The following COMTD1 variants were observed in gnomAD, a reference collection of about 807,000 sequenced individuals.
The protein encoded by COMTD1 is catechol-O-methyltransferase domain containing 1.
COMTD1 carries 35 observed loss-of-function variants against 33.6 expected under a neutral mutation model. The ratio of observed to expected loss-of-function variants is 1.04; its 90% CI spans 0.80 to 1.38. COMTD1 has a LOEUF of 1.38. COMTD1 is among the 40% of genes most tolerant of loss of function. COMTD1 has a pLI of 0.00. For missense variants in COMTD1, 370 were observed against 363.4 expected, an observed-to-expected ratio of 1.02 and a Z score of -0.15; for synonymous variants, 160 against 176.8, an observed-to-expected ratio of 0.91 and a Z score of 0.75.
In COMTD1 at chr10:75,233,983, G is replaced by T. The variant is rs1353513585; in HGVS notation, c.*90C>A. 6.2e-7 allele frequency: 1 copy of T among 1,604,988 alleles called. No homozygotes were observed. On this transcript the variant is annotated 3_prime_UTR_variant, in exon 7 of 7. Coordinates refer to ENST00000372538, the MANE Select transcript of COMTD1 (RefSeq NM_144589.4). The stretch of plus-strand genomic sequence containing the variant: ...GAGGCTCAGGAGGTCGTGTGTCCCA[G>T]CCCCACTTTATTTTCGAATTTAAAA...
rs780527229 is a variant in COMTD1 at position 75,234,189 on chromosome 10, C to T, written c.673G>A (p.Gly225Arg). ...WRGKVLQPPK[G>R]DVAAECVRNL... ...CGCACACACTCGGCCGCCACGTCCCCTTTCGGAGGTTGCAGCACCTTCCCG... is the reference window on the plus strand; with the variant it reads ...CGCACACACTCGGCCGCCACGTCCCTTTTCGGAGGTTGCAGCACCTTCCCG... The change falls in exon 7 of 7, where the codon GGG becomes AGG. Residue 225 changes from glycine to arginine, a missense_variant. Transcript: ENST00000372538. 22 of 1,613,314 alleles carry T rather than the reference C, an allele frequency of 1.4e-5. No individual in the cohort carries two copies. The highest frequency in any genetic ancestry group is 1.6e-5 in the Non-Finnish European group (19 of 1,180,044).
chr10:75,235,734 C>T lies in COMTD1; in HGVS notation c.104G>A (p.Cys35Tyr). 1.9e-6 allele frequency: 3 copies of T among 1,601,706 alleles called. No homozygotes were observed. The highest frequency in any genetic ancestry group is 1.1e-5 in the South Asian group (1 of 89,256). The change falls in exon 2 of 7, where the codon TGC (cysteine) becomes TAC (tyrosine). Residue 35 changes from cysteine to tyrosine, a missense_variant. Physicochemically the swap from Cys to Tyr is radical, Grantham distance 194 (BLOSUM62 -2). Coordinates refer to ENST00000372538, the MANE Select transcript of COMTD1 (RefSeq NM_144589.4). The stretch of plus-strand genomic sequence containing the variant: ...CTCTCGCCGGCCTCGCCATGGGGGG[C>T]ACCGCCTCCCTGACGGGGAGAGGGT... ...FATGLFLGRRCPPWRGRREQC... is the reference protein window; with the variant it reads ...FATGLFLGRRYPPWRGRREQC...
In COMTD1 at chr10:75,234,742, G is replaced by T; in HGVS notation, c.504C>A (p.Asp168Glu). 2 of 1,585,276 alleles carry T rather than the reference G, an allele frequency of 1.3e-6. No homozygotes were observed. Among genetic ancestry groups the T allele is most frequent in the Non-Finnish European group, 8.6e-7 (1 of 1,167,264 alleles). Residue 168 changes from aspartate to glutamate, a missense_variant and splice_region_variant, in exon 6 of 7, where the codon GAC (aspartate) becomes GAA (glutamate). Coordinates refer to ENST00000372538, the MANE Select transcript of COMTD1 (RefSeq NM_144589.4). ...CGGCCTCGCCCGCCGCCAGCAGCTCGTCTTGCGGGGGGAGGGAGGGCAGGT... is the reference window on the plus strand; with the variant it reads ...CGGCCTCGCCCGCCGCCAGCAGCTCTTCTTGCGGGGGGAGGGAGGGCAGGT... ...LRLKPALETL[D>E]ELLAAGEAGT...
chr10:75,235,797 G>GGGGGCCCCCCC, intron 1 of COMTD1, 38 bp downstream of exon 1: 3 of 1,538,648 alleles, frequency 1.9e-6, no homozygotes, highest in Non-Finnish European at 2.6e-6. Flanking sequence ...CCTACTCTGC[G>GGGGGCCCCCCC]CCCGCCCACC....
In COMTD1 at chr10:75,235,094, T is replaced by G. The variant is rs1413710926; in HGVS notation, c.413A>C (p.Gln138Pro). ...GRVVTCEVDA[Q>P]PPELGRPLWR... ...CAGGGGCCGTCCCAGCTCCGGGGGC[T>G]GCGCGTCCACCTCGCAGGTCACCAC... Residue 138 changes from glutamine to proline, a missense_variant, in exon 4 of 7, where the codon CAG (glutamine) becomes CCG (proline). Gln to Pro is a moderately conservative substitution (Grantham distance 76). Transcript: ENST00000372538. The G allele has an allele frequency of 7.1e-7, 1 of 1,408,226 alleles. No homozygotes were observed. The highest frequency in any genetic ancestry group is 9.2e-7 in the Non-Finnish European group (1 of 1,086,876). The allele number at this position is 1,408,226 out of a possible 1,614,324, so 87.2% of individuals were successfully genotyped here.
chr10:75,234,413 G>T (rs1287845415), intron 6 of COMTD1, 188 bp from the exon 7 acceptor site: 44 of 1,044,366 alleles, frequency 4.2e-5, no homozygotes, highest in Non-Finnish European at 5.1e-5. Context: ...GGAGGGAGGT[G>T]CCCGGGCAGG....
At position 75,234,131 on chromosome 10, in the gene COMTD1, C is replaced by T. The variant is rs1439789327; in HGVS notation, c.731G>A (p.Arg244Lys). The T allele has an allele frequency of 6.2e-7, 1 of 1,613,750 alleles. No individual in the cohort carries two copies. Among genetic ancestry groups the T allele is most frequent in the African/African-American group, 1.3e-5 (1 of 74,940 alleles). Residue 244 changes from arginine to lysine, a missense_variant, in exon 7 of 7, where the codon AGG becomes AAG. Coordinates refer to ENST00000372538, the MANE Select transcript of COMTD1 (RefSeq NM_144589.4). ...NLNERIRRDVRVYISLLPLGD... is the reference protein window; with the variant it reads ...NLNERIRRDVKVYISLLPLGD... ...CAGGGGCAGGAGGCTGATGTAGACC[C>T]TGACGTCCCGCCGGATGCGTTCGTT...
At position 75,234,227 on chromosome 10, in the gene COMTD1, T is replaced by A. The variant is rs780874856; in HGVS notation, c.637-2A>T. ...CAGCACCTTCCCGCGCCACAGGACCTGCGGGAGGGCGGGGCCAACCGGGCC... is the reference window on the plus strand; with the variant it reads ...CAGCACCTTCCCGCGCCACAGGACCAGCGGGAGGGCGGGGCCAACCGGGCC... On this transcript the variant is annotated splice_acceptor_variant, in intron 6 of 6. Coordinates refer to ENST00000372538, the MANE Select transcript of COMTD1 (RefSeq NM_144589.4). LOFTEE classifies it high-confidence loss of function. 2 of 1,607,474 alleles carry A rather than the reference T, an allele frequency of 1.2e-6. No homozygotes were observed. The highest frequency in any genetic ancestry group is 1.1e-5 in the South Asian group (1 of 90,940).
At chr10:75,234,371 G>A (rs1000256908) in intron 6 of COMTD1, 146 bp from the exon 7 acceptor site, 1 of 1,048,776 alleles carries the variant, frequency 9.5e-7, no homozygotes, top group African/African-American at 1.6e-5. Flanking sequence ...CGGGGTCTCG[G>A]AGGGAGGTGT....
At chr10:75,234,574 A>G (rs1842159798) in intron 6 of COMTD1, 36 bp downstream of exon 6, 3 of 1,533,208 alleles carry the variant, frequency 2.0e-6, no homozygotes, top group Non-Finnish European at 2.6e-6. Flanking sequence ...CCGGCCCGAC[A>G]GGGTGCTTTC....
At position 75,235,668 on chromosome 10, in the gene COMTD1, T is replaced by C. The variant is rs761649450; in HGVS notation, c.170A>G (p.Tyr57Cys). 1.2e-5 allele frequency: 19 copies of C among 1,598,666 alleles called. No individual in the cohort carries two copies. The South Asian group carries it at 2.1e-4, about 18-fold the overall frequency. Residue 57 changes from tyrosine (Y) to cysteine (C), a missense_variant, in exon 2 of 7, where the codon TAT becomes TGT. Tyr to Cys is a radical substitution (Grantham distance 194). Transcript: ENST00000372538. ...CTCCCGCATGGAGCGGCTCAGAAGA[T>C]ACTGCCACAGGCGGCTGTCCTCGGG... Reference protein sequence around the residue: ...LPPEDSRLWQYLLSRSMREHP... With the variant: ...LPPEDSRLWQCLLSRSMREHP...
intron 5 of COMTD1, 76 bp from the exon 6 acceptor site, chr10:75,234,819 G>A: frequency 6.5e-7 from 1 of 1,528,930 alleles, no homozygotes. Flanking sequence ...AGGCCGGCCC[G>A]GGCTCTGTGA....
chr10:75,235,213 T>G (rs1842172836), intron 3 of COMTD1, 35 bp from the exon 4 acceptor site: 2 of 1,460,134 alleles, frequency 1.4e-6, no homozygotes, highest in East Asian at 2.6e-5. Flanking sequence ...CAGCCCAGAG[T>G]GGGGGTCGGC....
rs1466190884 is a variant in COMTD1 at position 75,234,669 on chromosome 10, C to T, written c.577G>A (p.Ala193Thr). Residue 193 changes from alanine to threonine, a missense_variant, in exon 6 of 7, where the codon GCC becomes ACC. Coordinates refer to ENST00000372538, the MANE Select transcript of COMTD1 (RefSeq NM_144589.4). ...AGCTGCAGGCAGCGCTCGTAGTAGG[C>T]GGAGCAGTTCTCCTTGTCCGCATCC... ...VVDADKENCS[A>T]YYERCLQLLR... 2.5e-6 allele frequency: 4 copies of T among 1,581,360 alleles called. No individual in the cohort carries two copies. Among genetic ancestry groups the T allele is most frequent in the Admixed American group, 1.8e-5 (1 of 56,426 alleles).
chr10:75,234,257 G>C, intron 6 of COMTD1, 32 bp from the exon 7 acceptor site: 1 of 1,591,112 alleles, frequency 6.3e-7, no homozygotes, highest in Non-Finnish European at 8.5e-7. Flanking sequence ...CGGGCCGTGG[G>C]AGGCGGGGCT....
At position 75,234,689 on chromosome 10, in the gene COMTD1, G is replaced by A. The variant is rs1172223599; in HGVS notation, c.557C>T (p.Ala186Val). 2 of 1,589,744 alleles carry A rather than the reference G, an allele frequency of 1.3e-6. No individual in the cohort carries two copies. Among genetic ancestry groups the A allele is most frequent in the Non-Finnish European group, 8.6e-7 (1 of 1,169,264 alleles). ...AGTFDVAVVD[A>V]DKENCSAYYE... ...GTAGGCGGAGCAGTTCTCCTTGTCCGCATCCACCACGGCCACGTCGAAGGT... is the reference window on the plus strand; with the variant it reads ...GTAGGCGGAGCAGTTCTCCTTGTCCACATCCACCACGGCCACGTCGAAGGT... The change falls in exon 6 of 7, where the codon GCG (alanine) becomes GTG (valine). Residue 186 changes from alanine to valine, a missense_variant. By Grantham distance (64) the Ala-to-Val change is moderately conservative. Coordinates refer to ENST00000372538, the MANE Select transcript of COMTD1 (RefSeq NM_144589.4).
rs774149087 is a variant in COMTD1 at position 75,234,194 on chromosome 10, G to A, written c.668C>T (p.Pro223Leu). 1.2e-6 allele frequency: 2 copies of A among 1,613,160 alleles called. No homozygotes were observed. Among genetic ancestry groups the A allele is most frequent in the Non-Finnish European group, 8.5e-7 (1 of 1,180,016 alleles). The change falls in exon 7 of 7, where the codon CCG (proline) becomes CTG (leucine). Residue 223 changes from proline to leucine, a missense_variant. By Grantham distance (98) the Pro-to-Leu change is moderately conservative. Transcript: ENST00000372538. ...ACACTCGGCCGCCACGTCCCCTTTC[G>A]GAGGTTGCAGCACCTTCCCGCGCCA... ...VLWRGKVLQP[P>L]KGDVAAECVR...
intron 2 of COMTD1, 74 bp from the exon 3 acceptor site, chr10:75,235,446 G>T (rs1040577865): frequency 2.8e-5 from 38 of 1,350,870 alleles, no homozygotes; most frequent in South Asian, 4.4e-5. Flanking sequence ...AGCCCCAGGG[G>T]CGCGGTTCTG....
rs771815393 is a variant in COMTD1 at position 75,234,247 on chromosome 10, C to A, written c.637-22G>T. Reference sequence around the variant, plus strand: ...GGACCTGCGGGAGGGCGGGGCCAACCGGGCCGTGGGAGGCGGGGCTTCGGA... The same window carrying A: ...GGACCTGCGGGAGGGCGGGGCCAACAGGGCCGTGGGAGGCGGGGCTTCGGA... On this transcript the variant is annotated intron_variant, in intron 6 of 6. Coordinates refer to ENST00000372538, the MANE Select transcript of COMTD1 (RefSeq NM_144589.4). The A allele has an allele frequency of 1.2e-5, 19 of 1,582,686 alleles. No individual in the cohort carries two copies. The African/African-American group carries it at 2.0e-4, about 17-fold the overall frequency.
Sources: allele counts gnomAD v4.1 joint callset, GRCh38; gene constraint gnomAD v4.1.1; transcripts MANE v1.5; gene names NCBI Gene and HGNC (gene_info 2026-07-23, HGNC 2026-07-21).